The following NCOR2 variants were observed in gnomAD, a reference collection of about 807,000 sequenced individuals.
NCOR2 encodes the protein nuclear receptor corepressor 2.
NCOR2 carries 81 observed loss-of-function variants against 262.9 expected under a neutral mutation model. That is an observed-to-expected ratio of 0.31 (90% CI 0.26 to 0.37). The LOEUF is 0.37. NCOR2 is among the 10% of genes least tolerant of loss of function. NCOR2 has a pLI of 1.00. For synonymous variants in NCOR2, 1,659 were observed against 1,559.3 expected (o/e 1.06, Z -1.51); for missense variants, 3,385 against 3,621.4 (o/e 0.93, Z 1.68).
chr12:124,339,770 C>T (rs1452970841), intron 37 of NCOR2, among the ~76,000 whole-genome samples: 1 of 143,478 alleles, frequency 7.0e-6, no homozygotes, highest in African/African-American at 2.5e-5. Flanking sequence ...ACCACCCCCC[C>T]ATCCATCCAT....
intron 1 of NCOR2, among the ~76,000 whole-genome samples, chr12:124,512,978 G>T (rs922910627): frequency 6.6e-6 from 1 of 152,218 alleles, no homozygotes; most frequent in African/African-American, 2.4e-5. Flanking sequence ...GGCTCAGCTT[G>T]CTCCAGTGTC....
In NCOR2 at chr12:124,481,263, C is replaced by T. The variant is rs577156210; in HGVS notation, c.411+2333G>A. On this transcript the variant is annotated intron_variant, in intron 3 of 46. Transcript: ENST00000405201. This position sits in a 1 kb window ranked among gnomAD's most constrained non-coding sequence, Gnocchi z 4.6. ...CGGGGCAGGGATGCTGGCTGGGGTA[C>T]CCGAGGGGGCAGTGCCCGAGAGGAA... Among the ~76,000 whole-genome samples, 16 of 152,134 alleles carry T rather than the reference C, an allele frequency of 1.1e-4. No homozygotes were observed. The East Asian group carries it at 2.3e-3, about 22-fold the overall frequency.
intron 16 of NCOR2, among the ~76,000 whole-genome samples, chr12:124,393,824 G>T (rs1205403451): frequency 1.3e-5 from 2 of 152,256 alleles, no homozygotes; most frequent in African/African-American, 4.8e-5. Context: ...GAGATAAAGT[G>T]ACTTCATACA....
intron 3 of NCOR2, among the ~76,000 whole-genome samples, chr12:124,474,923 A>G (rs559974256): frequency 1.3e-5 from 2 of 152,118 alleles, no homozygotes; most frequent in East Asian, 3.9e-4. Flanking sequence ...CACAGGGTGC[A>G]TTATTCTCCG....
intron 37 of NCOR2, among the ~76,000 whole-genome samples, chr12:124,338,872 T>C (rs1270848988): frequency 6.6e-6 from 1 of 151,494 alleles, no homozygotes; most frequent in Non-Finnish European, 1.5e-5. Flanking sequence ...CATCCAACCA[T>C]CCATTCCATC....
Position 124,337,320 on chromosome 12 carries a change from T to C in NCOR2, c.5688-140A>G, listed in dbSNP as rs1431601957. On this transcript the variant is annotated intron_variant, in intron 37 of 46. Transcript: ENST00000405201. Reference sequence around the variant, plus strand: ...TGAAACTGCCCTCCTGACTGTAACCTGCCAGACTCTGTGCGTCATGGTTTG... The same window carrying C: ...TGAAACTGCCCTCCTGACTGTAACCCGCCAGACTCTGTGCGTCATGGTTTG... The C allele has an allele frequency of 4.2e-6, 4 of 956,374 alleles. No homozygotes were observed. In the Admixed American group the frequency reaches 8.0e-5, roughly 19 times the overall value. The allele number at this position is 956,374 out of a possible 1,614,324, so 59.2% of individuals were successfully genotyped here.
chr12:124,460,022 C>A (rs1348855071), intron 5 of NCOR2, among the ~76,000 whole-genome samples: 1 of 152,226 alleles, frequency 6.6e-6, no homozygotes, highest in African/African-American at 2.4e-5. Context: ...GCCTCCCCTC[C>A]CCACAGAGGC....
intron 27 of NCOR2, among the ~76,000 whole-genome samples, chr12:124,353,799 G>A (rs189252176): frequency 4.1e-4 from 63 of 152,328 alleles, no homozygotes; most frequent in Non-Finnish European, 7.1e-4. Flanking sequence ...ATTCTCAGCC[G>A]CGGTACGCTC....
rs150681291 is a variant in NCOR2 at position 124,374,616 on chromosome 12, A to G, written c.2168-153T>C. Among the ~76,000 whole-genome samples, 1,328 of 152,304 alleles carry G rather than the reference A, an allele frequency of 8.7e-3. 22 individuals are homozygous for G. Among genetic ancestry groups the G allele is most frequent in the African/African-American group, 0.03 (1,265 of 41,560 alleles). On this transcript the variant is annotated intron_variant, in intron 18 of 46. Coordinates refer to ENST00000405201, the Ensembl canonical transcript of NCOR2. ...TCTCCTGCCCCGACTGCCCTTCTCC[A>G]TGGACCGATGAGCCCTCTCCCTCTG...
chr12:124,427,297 C>T (rs1191625448), intron 10 of NCOR2, among the ~76,000 whole-genome samples: 3 of 152,162 alleles, frequency 2.0e-5, no homozygotes, highest in Admixed American at 2.0e-4. Flanking sequence ...CCACACTACA[C>T]GCCCCCTCCC....
chr12:124,565,378 G>A (rs577595204), intron 1 of NCOR2, among the ~76,000 whole-genome samples: 1 of 152,302 alleles, frequency 6.6e-6, no homozygotes, highest in Non-Finnish European at 1.5e-5. Context: ...TGCCCTGGCA[G>A]CCGCGCTGCC....
chr12:124,328,289 G>GA (rs1435327942), intron 44 of NCOR2, among the ~76,000 whole-genome samples: 3 of 152,330 alleles, frequency 2.0e-5, no homozygotes, highest in South Asian at 4.1e-4. Flanking sequence ...GCCATGAGGA[G>GA]AAAGAGGTGC....
chr12:124,420,336 C>T (rs2043138657), intron 12 of NCOR2, among the ~76,000 whole-genome samples: 1 of 152,228 alleles, frequency 6.6e-6, no homozygotes, highest in South Asian at 2.1e-4. Flanking sequence ...GGAAGTCTTT[C>T]CTGTTATCAC....
rs116462447 is a variant in NCOR2, at chr12:124,456,692, C to A, written c.762+414G>T. On this transcript the variant is annotated intron_variant, in intron 6 of 46. Coordinates refer to ENST00000405201, the Ensembl canonical transcript of NCOR2. ...CTGAAGCACAGGGAGGGTAACAGAC[C>A]CGCTCAGGGTCACACCGCCATGAAG... Among the ~76,000 whole-genome samples, 724 of 152,300 alleles carry A rather than the reference C, an allele frequency of 4.8e-3. 3 individuals are homozygous for A. Among genetic ancestry groups the A allele is most frequent in the African/African-American group, 0.016 (675 of 41,558 alleles).
intron 17 of NCOR2, chr12:124,383,647 AGCGCT>A (rs1407805663): frequency 5.0e-6 from 1 of 198,034 alleles, no homozygotes; most frequent in Non-Finnish European, 1.0e-5. Context: ...GCCCTCCCGG[AGCGCT>A]GCCCCTCTGG....
intron 13 of NCOR2, among the ~76,000 whole-genome samples, chr12:124,414,938 A>T (rs1276514878): frequency 6.6e-6 from 1 of 152,028 alleles, no homozygotes; most frequent in Admixed American, 6.5e-5. Context: ...ATGGCCAGGG[A>T]TTCCCATCTG....
Position 124,378,810 on chromosome 12 carries a change from G to C in NCOR2, c.2020-426C>G, listed in dbSNP as rs929506600. On this transcript the variant is annotated intron_variant, in intron 17 of 46. Coordinates refer to ENST00000405201, the Ensembl canonical transcript of NCOR2. This position sits in a 1 kb window ranked among gnomAD's most constrained non-coding sequence, Gnocchi z 4.2. Reference sequence around the variant, plus strand: ...CACCTGTCCCTGGGGGAACAGGCCAGCCTGGGAAGCTCGCGTTTCATTCCC... The same window carrying C: ...CACCTGTCCCTGGGGGAACAGGCCACCCTGGGAAGCTCGCGTTTCATTCCC... 1.3e-5 allele frequency among the ~76,000 whole-genome samples: 2 copies of C among 152,234 alleles called. No homozygotes were observed. Among genetic ancestry groups the C allele is most frequent in the Non-Finnish European group, 2.9e-5 (2 of 68,044 alleles).
In NCOR2 at chr12:124,340,572, TCCCCACCCCAGA is replaced by T. The variant is rs753491381; in HGVS notation, c.5338+18_5338+29del. ...CAGCCGCCTCCCATGGATGCCGGGG[TCCCCACCCCAGA>T]CTGGGCAGTGGCGCTACCTGGGGAG... On this transcript the variant is annotated intron_variant, in intron 35 of 46. Transcript: ENST00000405201. 1 of 1,512,500 alleles carries T rather than the reference TCCCCACCCCAGA, an allele frequency of 6.6e-7. No homozygotes were observed. Among genetic ancestry groups the T allele is most frequent in the Non-Finnish European group, 8.8e-7 (1 of 1,134,706 alleles). 93.7% of individuals were successfully genotyped at this position (1,512,500 alleles called of 1,614,324 possible).
chr12:124,521,343 G>A (rs767258195), intron 1 of NCOR2, among the ~76,000 whole-genome samples: 25 of 152,192 alleles, frequency 1.6e-4, no homozygotes, highest in Non-Finnish European at 3.4e-4. Context: ...CCAGGGCTCC[G>A]TGACCTGGGC....
Sources: allele counts gnomAD v4.1 joint callset (sites outside exome capture counted in the v4.1 genomes callset), GRCh38; gene constraint gnomAD v4.1.1; non-coding constraint Gnocchi (gnomAD v3.1); transcripts MANE v1.5; gene names NCBI Gene and HGNC (gene_info 2026-07-23, HGNC 2026-07-21).